Variants in USP12 observed in about 807,000 individuals in gnomAD.
USP12 encodes the protein ubiquitin specific peptidase 12.
In USP12, 19 loss-of-function variants were observed where a neutral mutation model predicts 45.5. The observed-to-expected ratio is 0.42, with a 90% confidence interval of 0.29 to 0.61. The LOEUF (loss-of-function observed/expected upper bound fraction) is 0.61. USP12 is among the 20% of genes least tolerant of loss of function. USP12 has a pLI of 0.22. For missense variants in USP12, 242 were observed against 447.7 expected (o/e 0.54, Z 4.15); for synonymous variants, 149 against 148.8 (o/e 1.00, Z -0.01).
chr13:27,086,171 C>CT (rs1422192865), intron 6 of USP12, among the ~76,000 whole-genome samples: 1 of 26,160 alleles, frequency 3.8e-5, no homozygotes, highest in Non-Finnish European at 7.8e-5. Context: ...TCTTTTGTCT[C>CT]TTTAAAAAAA....
intron 2 of USP12, among the ~76,000 whole-genome samples, chr13:27,112,956 A>C (rs940735812): frequency 6.6e-6 from 1 of 152,190 alleles, no homozygotes; most frequent in Admixed American, 6.5e-5. Flanking sequence ...TACTGAGGCT[A>C]GGCACAATGG....
chr13:27,103,607 A>AAAAAAATAATAAT (rs372985958), intron 3 of USP12, among the ~76,000 whole-genome samples: 6 of 128,520 alleles, frequency 4.7e-5, no homozygotes, highest in African/African-American at 1.2e-4. Context: ...TCAAAAAAAA[A>AAAAAAATAATAAT]AATAATAATA....
At chr13:27,154,245 A>G (rs565485204) in intron 1 of USP12, among the ~76,000 whole-genome samples, 8 of 152,378 alleles carry the variant, frequency 5.3e-5, no homozygotes, top group Non-Finnish European at 7.3e-5. Context: ...TGTAATCTTA[A>G]CATCCTAAAA....
intron 1 of USP12, among the ~76,000 whole-genome samples, chr13:27,163,103 CA>C (rs71431293): frequency 1.3e-5 from 2 of 151,660 alleles, no homozygotes; most frequent in African/African-American, 4.8e-5. Context: ...AAAATACAAG[CA>C]AATTTTGAAA....
chr13:27,147,607 A>T (rs1469904781), intron 1 of USP12, among the ~76,000 whole-genome samples: 1 of 152,222 alleles, frequency 6.6e-6, no homozygotes, highest in Non-Finnish European at 1.5e-5. Context: ...ACTTGATAAT[A>T]AAAATGCTGA....
At chr13:27,151,934 C>CA (rs1251358978) in intron 1 of USP12, among the ~76,000 whole-genome samples, 10 of 152,242 alleles carry the variant, frequency 6.6e-5, no homozygotes, top group Non-Finnish European at 1.0e-4. Context: ...AAATGCAAAT[C>CA]AAAACCACAA....
chr13:27,095,592 T>C lies in USP12; in HGVS notation c.573+9A>G, dbSNP rs1395892056. ...TTTTTCTCTATACAAAATTGTATGA[T>C]ATACTTACAGTTTCACAAGTAAGAC... On this transcript the variant is annotated intron_variant, in intron 4 of 8. Transcript: ENST00000282344. 1 of 1,574,872 alleles carries C rather than the reference T, an allele frequency of 6.3e-7. No homozygotes were observed. Among genetic ancestry groups the C allele is most frequent in the South Asian group, 1.2e-5 (1 of 84,176 alleles).
chr13:27,139,598 A>G (rs773706569), intron 1 of USP12, among the ~76,000 whole-genome samples: 1 of 152,188 alleles, frequency 6.6e-6, no homozygotes, highest in Non-Finnish European at 1.5e-5. Context: ...CCTGGGAGAA[A>G]GAGCAAGACT....
intron 6 of USP12, among the ~76,000 whole-genome samples, chr13:27,087,993 T>C (rs984693864): frequency 3.3e-5 from 5 of 152,056 alleles, no homozygotes; most frequent in African/African-American, 4.8e-5. Context: ...TAAATTACAA[T>C]GAGAAAAAAT....
At chr13:27,114,621 G>T (rs1357428049) in intron 2 of USP12, among the ~76,000 whole-genome samples, 1 of 152,052 alleles carries the variant, frequency 6.6e-6, no homozygotes, top group African/African-American at 2.4e-5. Context: ...TGCCATAAGA[G>T]CCATTATCTG....
intron 1 of USP12, among the ~76,000 whole-genome samples, chr13:27,123,070 T>C (rs1275797054): frequency 6.8e-6 from 1 of 146,094 alleles, no homozygotes; most frequent in Non-Finnish European, 1.5e-5. Flanking sequence ...CCAGCCTGGA[T>C]GACAGAGTGA....
intron 1 of USP12, 24 bp downstream of exon 1, chr13:27,171,568 G>A (rs764734136): frequency 1.8e-5 from 22 of 1,222,814 alleles, no homozygotes; most frequent in Non-Finnish European, 2.2e-5. Flanking sequence ...CGGCAGCCCC[G>A]GCCGCCCGCT....
rs1872983052 is a variant in USP12, at chr13:27,066,184, ATTTTG to A, written c.*3094_*3098del. 1.3e-5 allele frequency: 2 copies of A among 152,224 alleles called. No individual in the cohort carries two copies. The highest frequency in any genetic ancestry group is 2.9e-5 in the Non-Finnish European group (2 of 68,036). The allele number at this position is 152,224 out of a possible 1,614,324, so 9.4% of individuals were successfully genotyped here. A position where few individuals can be genotyped will look rare whatever the true frequency, so the allele number is the denominator to read the frequency against. The stretch of plus-strand genomic sequence containing the variant: ...AAATAAACCAACTTTAATAGATATT[ATTTTG>A]TATTTATATAGTGCCTTCTTCAAGA... On this transcript the variant is annotated 3_prime_UTR_variant, in exon 9 of 9. Coordinates refer to ENST00000282344, the MANE Select transcript of USP12 (RefSeq NM_182488.4).
chr13:27,070,821 G>C (rs1198848423), intron 8 of USP12, among the ~76,000 whole-genome samples: 1 of 152,158 alleles, frequency 6.6e-6, no homozygotes, highest in Non-Finnish European at 1.5e-5. Flanking sequence ...CCCAAGTGCT[G>C]GGATTACAGG....
At chr13:27,115,872 T>C (rs1202710470) in intron 2 of USP12, among the ~76,000 whole-genome samples, 1 of 152,210 alleles carries the variant, frequency 6.6e-6, no homozygotes, top group Non-Finnish European at 1.5e-5. Flanking sequence ...TTGTACCATT[T>C]AATCAAGTAA....
In USP12 at chr13:27,068,335, A is replaced by G. The variant is rs1175509009; in HGVS notation, c.*948T>C. ...TTTTAATTTTATGAAATTAAAGCTGAAGAAAATAACTGATTTAGAAACCAT... is the reference window on the plus strand; with the variant it reads ...TTTTAATTTTATGAAATTAAAGCTGGAGAAAATAACTGATTTAGAAACCAT... On this transcript the variant is annotated 3_prime_UTR_variant, in exon 9 of 9. Transcript: ENST00000282344. 1 of 152,628 alleles carries G rather than the reference A, an allele frequency of 6.6e-6. No homozygotes were observed. The highest frequency in any genetic ancestry group is 1.9e-4 in the East Asian group (1 of 5,204). The allele number at this position is 152,628 out of a possible 1,614,324, so 9.5% of individuals were successfully genotyped here.
At chr13:27,114,568 T>A (rs1449990193) in intron 2 of USP12, among the ~76,000 whole-genome samples, 1 of 152,172 alleles carries the variant, frequency 6.6e-6, no homozygotes, top group African/African-American at 2.4e-5. Context: ...ATCCTCATTC[T>A]ATGTATTATA....
At chr13:27,104,566 A>T (rs1331855000) in intron 3 of USP12, among the ~76,000 whole-genome samples, 1 of 152,234 alleles carries the variant, frequency 6.6e-6, no homozygotes, top group African/African-American at 2.4e-5. Flanking sequence ...TTTAGCTTTC[A>T]TTAGGGGAAA....
In USP12 at chr13:27,171,573, C is replaced by G; in HGVS notation, c.48+19G>C. On this transcript the variant is annotated intron_variant, in intron 1 of 8. Transcript: ENST00000282344. ...CGAGAGGTCCCGGCAGCCCCGGCCG[C>G]CCGCTCGCCGCCACCTACCATGGTA... The G allele has an allele frequency of 8.0e-7, 1 of 1,250,848 alleles. No homozygotes were observed. The highest frequency in any genetic ancestry group is 1.0e-6 in the Non-Finnish European group (1 of 963,350). The allele number at this position is 1,250,848 out of a possible 1,614,324, so 77.5% of individuals were successfully genotyped here. A position where few individuals can be genotyped will look rare whatever the true frequency, so the allele number is the denominator to read the frequency against.
Sources: allele counts gnomAD v4.1 joint callset (sites outside exome capture counted in the v4.1 genomes callset), GRCh38; gene constraint gnomAD v4.1.1; transcripts MANE v1.5; gene names NCBI Gene and HGNC (gene_info 2026-07-23, HGNC 2026-07-21).